Variants in MEMO1 observed in about 807,000 individuals in gnomAD.
MEMO1 encodes the protein protein MEMO1.
MEMO1 carries 6 observed loss-of-function variants against 45.2 expected under a neutral mutation model. That is an observed-to-expected ratio of 0.13 (90% CI 0.07 to 0.26). MEMO1 has a LOEUF of 0.26. MEMO1 is among the 10% of genes least tolerant of loss of function. The probability of loss-of-function intolerance (pLI) is 1.00; values close to 1 mark genes in which losing one functional copy is unlikely to be tolerated. For synonymous variants in MEMO1, 78 were observed against 124.3 expected, an observed-to-expected ratio of 0.63 and a Z score of 2.48; for missense variants, 184 against 370.5, an observed-to-expected ratio of 0.50 and a Z score of 4.13.
At chr2:31,990,991 G>C (rs1671878647) in intron 2 of MEMO1, among the ~76,000 whole-genome samples, 1 of 152,118 alleles carries the variant, frequency 6.6e-6, no homozygotes, top group Non-Finnish European at 1.5e-5. Flanking sequence ...CCCAAAAAAG[G>C]GGGGTATCAA....
At position 31,996,672 on chromosome 2, in the gene MEMO1, C is replaced by T. The variant is rs146588582; in HGVS notation, c.61+13515G>A. ...AATAGGAATACAGAAGATTCCAATA[C>T]AATAATCCAACTTAATCTAATTAAC... On this transcript the variant is annotated intron_variant, in intron 2 of 9. Coordinates refer to ENST00000404530, the MANE Select transcript of MEMO1 (RefSeq NM_001301833.4). Among the ~76,000 whole-genome samples, 82 of 152,180 alleles carry T rather than the reference C, an allele frequency of 5.4e-4. No individual in the cohort carries two copies. In the East Asian group the frequency reaches 9.7e-3, roughly 18 times the overall value.
chr2:32,003,302 A>G (rs1673638429), intron 2 of MEMO1, among the ~76,000 whole-genome samples: 1 of 152,334 alleles, frequency 6.6e-6, no homozygotes, highest in Non-Finnish European at 1.5e-5. Context: ...TATATCATAG[A>G]AATACTTCAA....
Position 31,892,129 on chromosome 2 carries a change from T to A in MEMO1, c.443A>T (p.Lys148Met), listed in dbSNP as rs1677068126. ...TACAGGAATAATGGTAAACTCATCC[T>A]TATGGCTTAAAGAAAACAGAAAAAA... ...PYTAKAMESH[K>M]DEFTIIPVLV... is the part of the protein sequence containing the mutation. Residue 148 changes from lysine (K) to methionine (M), a missense_variant, in exon 7 of 10, where the codon AAG (lysine) becomes ATG (methionine). Physicochemically the swap from Lys to Met is moderately conservative, Grantham distance 95 (BLOSUM62 -1). Around this residue, in one of 3 missense-constraint regions of MEMO1, gnomAD observed 97 missense variants for 209.3 expected, o/e 0.46. Transcript: ENST00000404530. 1 of 1,581,950 alleles carries A rather than the reference T, an allele frequency of 6.3e-7. No individual in the cohort carries two copies.
intron 2 of MEMO1, among the ~76,000 whole-genome samples, chr2:32,008,503 G>C (rs1674380919): frequency 6.6e-6 from 1 of 152,152 alleles, no homozygotes; most frequent in Admixed American, 6.5e-5. Flanking sequence ...AGAATCGCTT[G>C]AACCCAGGAG....
chr2:31,909,441 A>T (rs1680250550), intron 6 of MEMO1, among the ~76,000 whole-genome samples: 1 of 152,230 alleles, frequency 6.6e-6, no homozygotes, highest in Non-Finnish European at 1.5e-5. Flanking sequence ...CAGAAAAATC[A>T]GTAGCATTTC....
At chr2:31,901,374 CAAAAAAAAA>C (rs70964738) in intron 6 of MEMO1, among the ~76,000 whole-genome samples, 9 of 22,688 alleles carry the variant, frequency 4.0e-4, no homozygotes, top group Admixed American at 7.4e-4. Flanking sequence ...CTCTGTCTCA[CAAAAAAAAA>C]AAAAAAAAAA....
chr2:32,008,871 A>C (rs1674435647), intron 2 of MEMO1, among the ~76,000 whole-genome samples: 1 of 152,190 alleles, frequency 6.6e-6, no homozygotes, highest in South Asian at 2.1e-4. Context: ...TTAATGAGCT[A>C]GTTTAGCAAC....
Position 31,988,270 on chromosome 2 carries a change from G to A in MEMO1, c.61+21917C>T, listed in dbSNP as rs201962525. Among the ~76,000 whole-genome samples the A allele has an allele frequency of 3.3e-5, 5 of 152,170 alleles. No homozygotes were observed. The East Asian group carries it at 9.6e-4, about 29-fold the overall frequency. ...AAGGTTCAAAAGTAACATTGGGCCA[G>A]GCATGGTAGCTCACGCCTGTAATCC... On this transcript the variant is annotated intron_variant, in intron 2 of 9. Transcript: ENST00000404530.
At chr2:31,991,241 A>G (rs981341706) in intron 2 of MEMO1, among the ~76,000 whole-genome samples, 1 of 152,220 alleles carries the variant, frequency 6.6e-6, no homozygotes, top group Admixed American at 6.5e-5. Context: ...CACAAGGACA[A>G]TGCAGGAATG....
chr2:31,905,695 T>C (rs1490150243), intron 6 of MEMO1, among the ~76,000 whole-genome samples: 2 of 152,234 alleles, frequency 1.3e-5, no homozygotes, highest in Admixed American at 6.5e-5. Flanking sequence ...TTTCTGATAA[T>C]GGCAATATTA....
chr2:31,876,854 T>C (rs985038648), intron 8 of MEMO1, among the ~76,000 whole-genome samples: 2 of 152,276 alleles, frequency 1.3e-5, no homozygotes, highest in East Asian at 3.9e-4. Context: ...ATGTACTGAA[T>C]ATATACATTT....
chr2:31,931,282 C>T (rs2148245911), intron 4 of MEMO1, among the ~76,000 whole-genome samples: 1 of 152,282 alleles, frequency 6.6e-6, no homozygotes, highest in Non-Finnish European at 1.5e-5. Flanking sequence ...TTTATTAAAT[C>T]ATGGCTGCTA....
At chr2:31,950,160 C>T (rs1032814845) in intron 2 of MEMO1, among the ~76,000 whole-genome samples, 20 of 152,210 alleles carry the variant, frequency 1.3e-4, no homozygotes, top group African/African-American at 4.3e-4. Context: ...GCAGATGGAT[C>T]ACCTGAGGTC....
intron 2 of MEMO1, among the ~76,000 whole-genome samples, chr2:32,006,789 A>G (rs889031480): frequency 4.6e-5 from 7 of 151,852 alleles, no homozygotes; most frequent in Non-Finnish European, 1.0e-4. Context: ...ATATGGTGAA[A>G]CCCCATCTCT....
chr2:31,876,939 T>C (rs1391921980), intron 8 of MEMO1, among the ~76,000 whole-genome samples: 2 of 152,204 alleles, frequency 1.3e-5, no homozygotes, highest in Non-Finnish European at 2.9e-5. Context: ...ACTACCTAAC[T>C]GGTCTACACG....
intron 2 of MEMO1, among the ~76,000 whole-genome samples, chr2:31,961,167 G>A (rs1667964741): frequency 6.6e-6 from 1 of 152,004 alleles, no homozygotes; most frequent in African/African-American, 2.4e-5. Flanking sequence ...AGACCAGCCT[G>A]GCCAACATGG....
At chr2:31,923,140 A>AT (rs1186731899) in intron 4 of MEMO1, among the ~76,000 whole-genome samples, 1 of 151,850 alleles carries the variant, frequency 6.6e-6, no homozygotes, top group Non-Finnish European at 1.5e-5. Context: ...GCATCTGTTA[A>AT]TTTTTGACTT....
intron 4 of MEMO1, among the ~76,000 whole-genome samples, chr2:31,927,995 A>G (rs1332830207): frequency 6.6e-6 from 1 of 152,232 alleles, no homozygotes; most frequent in Non-Finnish European, 1.5e-5. Context: ...GGCTAAAACC[A>G]TGCCTGTTTT....
intron 6 of MEMO1, among the ~76,000 whole-genome samples, chr2:31,908,012 G>T (rs564818814): frequency 2.6e-5 from 4 of 151,928 alleles, no homozygotes; most frequent in Non-Finnish European, 2.9e-5. Context: ...AAGTTAAATG[G>T]TAAAAAAAAT....
Sources: allele counts gnomAD v4.1 joint callset (sites outside exome capture counted in the v4.1 genomes callset), GRCh38; gene constraint gnomAD v4.1.1; regional missense constraint gnomAD v4.1.1; transcripts MANE v1.5; gene names NCBI Gene and HGNC (gene_info 2026-07-23, HGNC 2026-07-21).